SLC38A9: variants seen among roughly 807,000 people sequenced by gnomAD.
SLC38A9 encodes the protein solute carrier family 38 member 9.
A neutral mutation model predicts 62.3 loss-of-function variants in SLC38A9; 48 were observed. That is an observed-to-expected ratio of 0.77 (90% CI 0.61 to 0.98). The LOEUF (loss-of-function observed/expected upper bound fraction) is 0.98, where lower values mean the gene tolerates loss of function less well. Among genes scored for constraint, SLC38A9 ranks in the 50% least tolerant of loss-of-function variants. The pLI is 0.00. For synonymous variants in SLC38A9, 204 were observed against 227.7 expected, an observed-to-expected ratio of 0.90 and a Z score of 0.94; for missense variants, 541 against 679.8, an observed-to-expected ratio of 0.80 and a Z score of 2.27.
chr5:55,699,834 CAG>C (rs1450523771), intron 2 of SLC38A9, among the ~76,000 whole-genome samples: 3 of 151,800 alleles, frequency 2.0e-5, no homozygotes, highest in Non-Finnish European at 2.9e-5. Context: ...TAGAATGTGG[CAG>C]AGAGAGAAAA....
At chr5:55,676,613 C>A (rs896069913) in intron 3 of SLC38A9, among the ~76,000 whole-genome samples, 3 of 152,126 alleles carry the variant, frequency 2.0e-5, no homozygotes, top group Non-Finnish European at 4.4e-5. Context: ...TATTTTGTAT[C>A]ATACAGAAAT....
chr5:55,652,092 C>T (rs1747598126), intron 10 of SLC38A9, among the ~76,000 whole-genome samples: 1 of 151,486 alleles, frequency 6.6e-6, no homozygotes, highest in South Asian at 2.1e-4. Context: ...GGCGTGCTGG[C>T]TCACACCTGT....
At chr5:55,705,223 C>T (rs1265226763) in intron 2 of SLC38A9, among the ~76,000 whole-genome samples, 2 of 151,672 alleles carry the variant, frequency 1.3e-5, no homozygotes, top group African/African-American at 4.8e-5. Context: ...TATTGAACTG[C>T]CACAAACAAG....
chr5:55,628,075 G>A (rs80036022), intron 14 of SLC38A9, 95 bp from the exon 15 acceptor site: 23,141 of 736,966 alleles, frequency 0.031, 631 homozygotes, highest in African/African-American at 0.11. Context: ...TCTTAACATC[G>A]TTAAAATCAA....
At chr5:55,669,947 C>G (rs1296873684) in intron 4 of SLC38A9, 68 bp from the exon 5 acceptor site, 1 of 1,443,722 alleles carries the variant, frequency 6.9e-7, no homozygotes, top group South Asian at 1.4e-5. Flanking sequence ...TGTTACACAT[C>G]AGAACACCTG....
intron 8 of SLC38A9, among the ~76,000 whole-genome samples, chr5:55,662,813 A>G (rs905867160): frequency 6.6e-6 from 1 of 152,066 alleles, no homozygotes; most frequent in Non-Finnish European, 1.5e-5. Context: ...GAAGGAGTGC[A>G]TGTGGGGCTT....
At chr5:55,650,326 T>C (rs772341259) in intron 10 of SLC38A9, among the ~76,000 whole-genome samples, 2 of 152,138 alleles carry the variant, frequency 1.3e-5, no homozygotes, top group Non-Finnish European at 2.9e-5. Context: ...GTCAGAAAAT[T>C]CAGGAAGGCC....
chr5:55,676,957 T>G (rs1458023784), intron 3 of SLC38A9, among the ~76,000 whole-genome samples: 1 of 152,202 alleles, frequency 6.6e-6, no homozygotes, highest in Non-Finnish European at 1.5e-5. Context: ...CAATAAAAAC[T>G]CCCATCTGCA....
At chr5:55,666,871 C>T (rs939470002) in intron 7 of SLC38A9, among the ~76,000 whole-genome samples, 5 of 141,110 alleles carry the variant, frequency 3.5e-5, no homozygotes, top group Admixed American at 2.3e-4. Context: ...AAAAATTAGC[C>T]GGGCGTGGTG....
intron 10 of SLC38A9, among the ~76,000 whole-genome samples, 172 bp downstream of exon 10, chr5:55,652,357 C>CA (rs60557392): frequency 0.067 from 3,732 of 56,070 alleles, 244 homozygotes; most frequent in African/African-American, 0.15. Context: ...AACTCCGTCT[C>CA]AAAAAAAAAA....
At chr5:55,699,291 ACAT>A (rs1226245592) in intron 2 of SLC38A9, among the ~76,000 whole-genome samples, 4 of 152,212 alleles carry the variant, frequency 2.6e-5, no homozygotes, top group African/African-American at 9.7e-5. Context: ...ACTACTGACC[ACAT>A]CATGTGTGTG....
At chr5:55,635,461 A>G (rs983421081) in intron 13 of SLC38A9, 83 bp downstream of exon 13, 5 of 985,138 alleles carry the variant, frequency 5.1e-6, no homozygotes, top group African/African-American at 3.2e-5. Flanking sequence ...ATCTGATGTT[A>G]TATCTTGCCA....
Position 55,683,063 on chromosome 5 carries a change from A to T in SLC38A9, c.114-10368T>A, listed in dbSNP as rs147504634. On this transcript the variant is annotated intron_variant, in intron 3 of 15. Coordinates refer to ENST00000396865, the MANE Select transcript of SLC38A9 (RefSeq NM_173514.4). Reference sequence around the variant, plus strand: ...AGGGAAGGAGGCAGGCAGACAGACAACTAGCGAATAACTTGCAGAAGTAAT... The same window carrying T: ...AGGGAAGGAGGCAGGCAGACAGACATCTAGCGAATAACTTGCAGAAGTAAT... Among the ~76,000 whole-genome samples the T allele has an allele frequency of 2.5e-4, 38 of 152,312 alleles. 1 individual carries two copies. The highest frequency in any genetic ancestry group is 3.4e-3 in the Middle Eastern group (1 of 294).
Position 55,688,931 on chromosome 5 carries a change from A to C in SLC38A9, c.113+8915T>G, listed in dbSNP as rs1754347166. ...GCCTCTATTTGAAATTAATAAGACA[A>C]TTTAAGAGAAGTAAAACTAGAAGCC... On this transcript the variant is annotated intron_variant, in intron 3 of 15. Coordinates refer to ENST00000396865, the MANE Select transcript of SLC38A9 (RefSeq NM_173514.4). 2.0e-5 allele frequency among the ~76,000 whole-genome samples: 3 copies of C among 152,292 alleles called. No homozygotes were observed. The South Asian group carries it at 6.2e-4, about 32-fold the overall frequency.
intron 8 of SLC38A9, among the ~76,000 whole-genome samples, chr5:55,658,397 G>T (rs1748850287): frequency 6.6e-6 from 1 of 152,144 alleles, no homozygotes; most frequent in Admixed American, 6.5e-5. Context: ...CAGGTGATCT[G>T]CCTGCCTTGG....
chr5:55,626,519 T>C lies in SLC38A9; in HGVS notation c.1661A>G (p.Asn554Ser), dbSNP rs1742435952. The change falls in exon 16 of 16, where the codon AAC becomes AGC. Residue 554 changes from asparagine to serine, a missense_variant. Transcript: ENST00000396865. Reference sequence around the variant, plus strand: ...TCACATAAAAAACTGAACAATCAGGTTAGCCACGCCCAAAATGATGATGAA... The same window carrying C: ...TCACATAAAAAACTGAACAATCAGGCTAGCCACGCCCAAAATGATGATGAA... The part of the protein sequence containing the change: ...HVFIIILGVA[N>S]LIVQFFM 6.2e-7 allele frequency: 1 copy of C among 1,613,400 alleles called. No individual in the cohort carries two copies. Among genetic ancestry groups the C allele is most frequent in the East Asian group, 2.2e-5 (1 of 44,854 alleles).
chr5:55,650,786 GTTAT>G (rs912929342), intron 10 of SLC38A9, among the ~76,000 whole-genome samples: 156 of 152,016 alleles, frequency 1.0e-3, no homozygotes, highest in African/African-American at 3.6e-3. Flanking sequence ...GATATGCTGG[GTTAT>G]TTATTTATTT....
intron 12 of SLC38A9, among the ~76,000 whole-genome samples, chr5:55,644,324 C>T (rs1745923989): frequency 6.6e-6 from 1 of 151,256 alleles, no homozygotes; most frequent in African/African-American, 2.4e-5. Flanking sequence ...TTTAAATCTA[C>T]TATGTTGCTA....
At position 55,712,302 on chromosome 5, in the gene SLC38A9, G is replaced by A. The variant is rs1207881513; in HGVS notation, c.-168C>T. On this transcript the variant is annotated 5_prime_UTR_variant, in exon 1 of 16. Transcript: ENST00000396865. ...AAATTCTCGCAATTTGCGACCGCGG[G>A]GCTCCTAGTCCAAACAGGAAGCGGC... The A allele has an allele frequency of 2.0e-5, 3 of 152,752 alleles. No homozygotes were observed. The highest frequency in any genetic ancestry group is 7.2e-5 in the African/African-American group (3 of 41,464). 9.5% of individuals were successfully genotyped at this position (152,752 alleles called of 1,614,324 possible).
Sources: gnomAD v4.1 joint callset for allele counts (sites outside exome capture counted in the v4.1 genomes callset) on GRCh38, gnomAD v4.1.1 for gene constraint, MANE v1.5 for transcripts, NCBI Gene and HGNC (gene_info 2026-07-23, HGNC 2026-07-21) for gene names.